Variants in ADIRF observed in about 807,000 individuals in gnomAD.
ADIRF encodes adipogenesis regulatory factor, also known as adipogenesis factor rich in obesity.
A neutral mutation model predicts 7.8 loss-of-function variants in ADIRF; 9 were observed. That is an observed-to-expected ratio of 1.15 (90% confidence interval 0.70 to 2.01). The LOEUF is 2.01. Ranked by LOEUF, ADIRF falls within the 30% of genes most tolerant of loss-of-function variation. The pLI, the probability that ADIRF is intolerant of heterozygous loss-of-function variation, is 0.00. For synonymous variants in ADIRF, 48 were observed against 39.9 expected, an observed-to-expected ratio of 1.20 and a Z score of -0.77; for missense variants, 106 against 98.1, an observed-to-expected ratio of 1.08 and a Z score of -0.34.
chr10:86,970,597 G>C lies in ADIRF; in HGVS notation c.*15G>C. 5.7e-6 allele frequency: 9 copies of C among 1,590,868 alleles called. No homozygotes were observed. The highest frequency in any genetic ancestry group is 7.7e-6 in the Non-Finnish European group (9 of 1,164,126). ...TCCTGAAATGACAGCAGGGAGACTT[G>C]GGTCGGCCTCCTGAAATGACAGCAG... On this transcript the variant is annotated 3_prime_UTR_variant, in exon 3 of 3. Transcript: ENST00000372013.
chr10:86,970,352 C>T, intron 2 of ADIRF, 90 bp downstream of exon 2: 1 of 1,505,212 alleles, frequency 6.6e-7, no homozygotes. Flanking sequence ...ATCCTCTCCT[C>T]TGCAGAGCCC....
Position 86,970,587 on chromosome 10 carries a change from A to G in ADIRF, c.*5A>G. On this transcript the variant is annotated 3_prime_UTR_variant, in exon 3 of 3. Coordinates refer to ENST00000372013, the MANE Select transcript of ADIRF (RefSeq NM_006829.3). Reference sequence around the variant, plus strand: ...AAATTCGGCCTCCTGAAATGACAGCAGGGAGACTTGGGTCGGCCTCCTGAA... The same window carrying G: ...AAATTCGGCCTCCTGAAATGACAGCGGGGAGACTTGGGTCGGCCTCCTGAA... 1 of 1,603,882 alleles carries G rather than the reference A, an allele frequency of 6.2e-7. No homozygotes were observed. Among genetic ancestry groups the G allele is most frequent in the Non-Finnish European group, 8.5e-7 (1 of 1,173,130 alleles).
In ADIRF at chr10:86,968,511, C is replaced by T; in HGVS notation, c.-34C>T. On this transcript the variant is annotated 5_prime_UTR_variant, in exon 1 of 3. Coordinates refer to ENST00000372013, the MANE Select transcript of ADIRF (RefSeq NM_006829.3). ...TGGGCAGGATCCAACGTCGCTCCAG[C>T]TGCTCTTGACGACTCCACAGATACC... 1 of 1,612,566 alleles carries T rather than the reference C, an allele frequency of 6.2e-7. No homozygotes were observed.
Position 86,970,190 on chromosome 10 carries a change from T to C in ADIRF, c.62-10T>C. 1 of 1,445,878 alleles carries C rather than the reference T, an allele frequency of 6.9e-7. No homozygotes were observed. The highest frequency in any genetic ancestry group is 2.5e-5 in the East Asian group (1 of 39,940). 89.6% of individuals were successfully genotyped at this position (1,445,878 alleles called of 1,614,324 possible). A position where few individuals can be genotyped will look rare whatever the true frequency, so the allele number is the denominator to read the frequency against. ...CAACAGGGGCTAAAAGCCACATCTC[T>C]CTGTTCCAGTGTCAGCGGCCGGAGC... On this transcript the variant is annotated splice_polypyrimidine_tract_variant and intron_variant, in intron 1 of 2. Coordinates refer to ENST00000372013, the MANE Select transcript of ADIRF (RefSeq NM_006829.3).
At chr10:86,968,695 C>A in intron 1 of ADIRF, 90 bp downstream of exon 1, 1 of 1,461,640 alleles carries the variant, frequency 6.8e-7, no homozygotes, top group Non-Finnish European at 9.3e-7. Flanking sequence ...CCGCAAGTTC[C>A]TGGACCGGCA....
At chr10:86,968,938 C>T in intron 1 of ADIRF, 1 of 304,618 alleles carries the variant, frequency 3.3e-6, no homozygotes, top group Non-Finnish European at 6.0e-6. Flanking sequence ...TCGGGCGCGG[C>T]CCGCCACCAC....
intron 2 of ADIRF, 97 bp from the exon 3 acceptor site, chr10:86,970,379 C>A: frequency 6.6e-7 from 1 of 1,505,030 alleles, no homozygotes; most frequent in Non-Finnish European, 9.1e-7. Context: ...CACAATGCCC[C>A]AAGCAGGTCC....
intron 2 of ADIRF, 58 bp from the exon 3 acceptor site, chr10:86,970,418 A>G (rs1564741807): frequency 5.8e-6 from 9 of 1,543,786 alleles, no homozygotes; most frequent in Non-Finnish European, 8.0e-6. Flanking sequence ...GGCTAAGCCT[A>G]CAGGCACTGT....
Position 86,970,331 on chromosome 10 carries a change from G to A in ADIRF, c.124+69G>A, listed in dbSNP as rs893057108. ...CCACTCCCCGCCCCATCCCGGCTGG[G>A]GCCCAGGCACATCCTCTCCTCTGCA... On this transcript the variant is annotated intron_variant, in intron 2 of 2. Transcript: ENST00000372013. 9 of 1,514,256 alleles carry A rather than the reference G, an allele frequency of 5.9e-6. No individual in the cohort carries two copies. In the African/African-American group the frequency reaches 1.1e-4, roughly 19 times the overall value. The allele number at this position is 1,514,256 out of a possible 1,614,324, so 93.8% of individuals were successfully genotyped here. A position where few individuals can be genotyped will look rare whatever the true frequency, so the allele number is the denominator to read the frequency against.
chr10:86,970,334 C>T, intron 2 of ADIRF, 72 bp downstream of exon 2: 1 of 1,499,702 alleles, frequency 6.7e-7, no homozygotes, highest in South Asian at 1.3e-5. Context: ...CGGCTGGGGC[C>T]CAGGCACATC....
At position 86,970,241 on chromosome 10, in the gene ADIRF, G is replaced by A; in HGVS notation, c.103G>A (p.Ala35Thr). 6.8e-7 allele frequency: 1 copy of A among 1,462,336 alleles called. No homozygotes were observed. 90.6% of individuals were successfully genotyped at this position (1,462,336 alleles called of 1,614,324 possible). A position where few individuals can be genotyped will look rare whatever the true frequency, so the allele number is the denominator to read the frequency against. ...GAAAQQVVDQ[A>T]TEAGQKAMDQ... is the part of the protein sequence containing the mutation. ...GGCAGCTCAGCAAGTGGTGGACCAG[G>A]CCACAGAGGCGGGGCAGAAAGGTCT... The change falls in exon 2 of 3, where the codon GCC becomes ACC. Residue 35 changes from alanine to threonine, a missense_variant. Physicochemically the swap from Ala to Thr is moderately conservative, Grantham distance 58. Coordinates refer to ENST00000372013, the MANE Select transcript of ADIRF (RefSeq NM_006829.3).
In ADIRF at chr10:86,970,841, A is replaced by G; in HGVS notation, c.*259A>G. On this transcript the variant is annotated 3_prime_UTR_variant, in exon 3 of 3. Transcript: ENST00000372013. Reference sequence around the variant, plus strand: ...CTCCCAAATTCGGAAATCCAATCCAACGGTCTCAGGAATGTTTTCCATCCC... The same window carrying G: ...CTCCCAAATTCGGAAATCCAATCCAGCGGTCTCAGGAATGTTTTCCATCCC... The G allele has an allele frequency of 3.6e-6, 2 of 553,456 alleles. No homozygotes were observed. The highest frequency in any genetic ancestry group is 6.9e-6 in the Non-Finnish European group (2 of 290,530). 34.3% of individuals were successfully genotyped at this position (553,456 alleles called of 1,614,324 possible). A position where few individuals can be genotyped will look rare whatever the true frequency, so the allele number is the denominator to read the frequency against.
rs1024272222 is a variant in ADIRF at position 86,970,680 on chromosome 10, C to T, written c.*98C>T. ...TCTAGCACAGCCTGGCCCTGATCTCCGGGCAGCCACCACCTCCTCGGTCTG... is the reference window on the plus strand; with the variant it reads ...TCTAGCACAGCCTGGCCCTGATCTCTGGGCAGCCACCACCTCCTCGGTCTG... On this transcript the variant is annotated 3_prime_UTR_variant, in exon 3 of 3. Transcript: ENST00000372013. 3 of 1,020,406 alleles carry T rather than the reference C, an allele frequency of 2.9e-6. No individual in the cohort carries two copies. The highest frequency in any genetic ancestry group is 2.0e-5 in the Admixed American group (1 of 50,274). 63.2% of individuals were successfully genotyped at this position (1,020,406 alleles called of 1,614,324 possible).
At chr10:86,968,671 C>G (rs1844515912) in intron 1 of ADIRF, 66 bp downstream of exon 1, 1 of 1,545,262 alleles carries the variant, frequency 6.5e-7, no homozygotes, top group Admixed American at 2.0e-5. Context: ...GCAGAAGCAG[C>G]GGGTCGGCGC....
At chr10:86,968,761 C>A in intron 1 of ADIRF, 156 bp downstream of exon 1, 2 of 775,650 alleles carry the variant, frequency 2.6e-6, no homozygotes, top group Non-Finnish European at 3.9e-6. Context: ...GCAGAACGCC[C>A]ACCCCGGCGA....
At chr10:86,970,328 TG>T in intron 2 of ADIRF, 66 bp downstream of exon 2, 2 of 1,512,558 alleles carry the variant, frequency 1.3e-6, no homozygotes, top group Non-Finnish European at 1.8e-6. Context: ...CCATCCCGGC[TG>T]GGGCCCAGGC....
intron 1 of ADIRF, chr10:86,969,587 C>T (rs1360882867): frequency 6.6e-6 from 1 of 152,258 alleles, no homozygotes; most frequent in Non-Finnish European, 1.5e-5. Flanking sequence ...CCCAGCAGGC[C>T]GAAACTCTGG....
chr10:86,969,844 T>A (rs1394806409), intron 1 of ADIRF: 3 of 178,854 alleles, frequency 1.7e-5, no homozygotes, highest in Non-Finnish European at 3.5e-5. Context: ...GCAAGGGTCT[T>A]CTGCGCCATC....
At position 86,970,487 on chromosome 10, in the gene ADIRF, C is replaced by T; in HGVS notation, c.136C>T (p.Leu46=). 2 of 1,613,120 alleles carry T rather than the reference C, an allele frequency of 1.2e-6. No individual in the cohort carries two copies. The highest frequency in any genetic ancestry group is 1.7e-6 in the Non-Finnish European group (2 of 1,179,598). The change falls in exon 3 of 3, where the codon CTG becomes TTG. Residue 46 remains leucine (L), a synonymous_variant. Transcript: ENST00000372013. The stretch of plus-strand genomic sequence containing the variant: ...CCGCCCTTCCCCAGCCATGGACCAG[C>T]TGGCCAAGACCACCCAGGAAACCAT... ...TEAGQKAMDQ[L]AKTTQETIDK...
Sources: gnomAD v4.1 joint callset for allele counts on GRCh38, gnomAD v4.1.1 for gene constraint, MANE v1.5 for transcripts, NCBI Gene and HGNC (gene_info 2026-07-23, HGNC 2026-07-21) for gene names.